EHMT1: variants seen among roughly 807,000 people sequenced by gnomAD.
EHMT1 encodes histone-lysine N-methyltransferase EHMT1.
In EHMT1, 15 loss-of-function variants were observed where a neutral mutation model predicts 147.2. The observed-to-expected ratio is 0.10, with a 90% CI of 0.07 to 0.16. The LOEUF is 0.16. Ranked by LOEUF, EHMT1 falls within the 10% of genes least tolerant of loss-of-function variation. The probability of loss-of-function intolerance (pLI) is 1.00; values close to 1 mark genes in which losing one functional copy is unlikely to be tolerated. For synonymous variants in EHMT1, 795 were observed against 709.6 expected, an observed-to-expected ratio of 1.12 and a Z score of -1.91; for missense variants, 1,587 against 1,772.4, an observed-to-expected ratio of 0.90 and a Z score of 1.88.
intron 1 of EHMT1, among the ~76,000 whole-genome samples, chr9:137,629,196 G>A (rs1479183396): frequency 2.7e-5 from 4 of 150,010 alleles, no homozygotes; most frequent in African/African-American, 9.8e-5. Flanking sequence ...AGGTTCAAGC[G>A]ATTCTCCAGC....
intron 1 of EHMT1, among the ~76,000 whole-genome samples, chr9:137,667,722 T>C (rs1204014095): frequency 6.6e-5 from 10 of 152,152 alleles, no homozygotes; most frequent in African/African-American, 2.2e-4. Context: ...GAAGTTTTGG[T>C]GTGTTTTCTT....
intron 10 of EHMT1, chr9:137,763,050 T>C (rs1949955314): frequency 1.3e-5 from 8 of 622,430 alleles, no homozygotes; most frequent in Admixed American, 1.1e-4. Context: ...ACAAAGTCTT[T>C]GAATGAAAAT....
chr9:137,700,446 T>A (rs1943738663), intron 1 of EHMT1, among the ~76,000 whole-genome samples: 1 of 152,238 alleles, frequency 6.6e-6, no homozygotes, highest in Non-Finnish European at 1.5e-5. Flanking sequence ...TCCAGCCACA[T>A]CAGTGCCTTA....
chr9:137,652,909 G>C (rs750204168), intron 1 of EHMT1, among the ~76,000 whole-genome samples: 1 of 151,332 alleles, frequency 6.6e-6, no homozygotes, highest in Admixed American at 6.6e-5. Context: ...TGTATTTTTA[G>C]TAGAGACAAG....
At chr9:137,742,924 G>A in intron 4 of EHMT1, 1 of 250,264 alleles carries the variant, frequency 4.0e-6, no homozygotes, top group South Asian at 4.8e-5. Context: ...GGGAGGCTGG[G>A]CTCTTCCTGC....
At chr9:137,753,000 C>T (rs559453965) in intron 7 of EHMT1, among the ~76,000 whole-genome samples, 10 of 152,212 alleles carry the variant, frequency 6.6e-5, no homozygotes, top group South Asian at 4.1e-4. Context: ...GGGTCCAGAT[C>T]GGAATTGTGC....
At chr9:137,790,634 A>T (rs1168590579) in intron 15 of EHMT1, among the ~76,000 whole-genome samples, 2 of 152,224 alleles carry the variant, frequency 1.3e-5, no homozygotes, top group Non-Finnish European at 2.9e-5. Flanking sequence ...TTAGAAGTGG[A>T]ATGAAATCTA....
intron 2 of EHMT1, among the ~76,000 whole-genome samples, chr9:137,715,008 C>CT (rs569709965): frequency 1.3e-5 from 2 of 151,974 alleles, no homozygotes; most frequent in East Asian, 1.9e-4. Context: ...GTGAATGATA[C>CT]TTTTTTTTCT....
intron 18 of EHMT1, 83 bp from the exon 19 acceptor site, chr9:137,811,378 A>G (rs778806330): frequency 6.2e-5 from 98 of 1,592,422 alleles, no homozygotes; most frequent in African/African-American, 1.9e-4. Flanking sequence ...CCCCGGGCAC[A>G]TGGGCTGCAG....
chr9:137,646,248 C>T, intron 1 of EHMT1: 3 of 731,336 alleles, frequency 4.1e-6, no homozygotes, highest in Non-Finnish European at 5.0e-6. Context: ...GTGTGAGCCA[C>T]TGTGCCTGGC....
intron 25 of EHMT1, among the ~76,000 whole-genome samples, chr9:137,832,310 A>T (rs1956257406): frequency 7.3e-6 from 1 of 137,848 alleles, no homozygotes; most frequent in South Asian, 2.3e-4. Context: ...CCGTCCTAGA[A>T]TTGGCTGGGC....
At position 137,778,019 on chromosome 9, in the gene EHMT1, C is replaced by A; in HGVS notation, c.2156C>A (p.Thr719Asn). ...PGLSQGPGKETLESALIALDS... is the reference protein window; with the variant it reads ...PGLSQGPGKENLESALIALDS... ...CTTTCCCAGGGACCAGGGAAGGAAA[C>A]CTTGGAGAGCGCTCTCATCGCCCTC... The change falls in exon 13 of 27, where the codon ACC becomes AAC. Residue 719 changes from threonine to asparagine, a missense_variant. Physicochemically the swap from Thr to Asn is moderately conservative, Grantham distance 65. Transcript: ENST00000460843. 6.2e-7 allele frequency: 1 copy of A among 1,613,786 alleles called. No individual in the cohort carries two copies.
intron 25 of EHMT1, among the ~76,000 whole-genome samples, chr9:137,825,456 CT>C (rs2132977493): frequency 6.6e-6 from 1 of 152,220 alleles, no homozygotes; most frequent in East Asian, 1.9e-4. Context: ...TGTGAGTGAC[CT>C]TCAACTGTAT....
At chr9:137,751,179 A>T (rs916313513) in intron 6 of EHMT1, among the ~76,000 whole-genome samples, 1 of 152,246 alleles carries the variant, frequency 6.6e-6, no homozygotes, top group Non-Finnish European at 1.5e-5. Context: ...AATATTGGGA[A>T]CTGTTTTTTC....
chr9:137,629,844 G>T (rs1843512332), intron 1 of EHMT1, among the ~76,000 whole-genome samples: 1 of 152,182 alleles, frequency 6.6e-6, no homozygotes, highest in Admixed American at 6.6e-5. Context: ...ATAGTTATTA[G>T]AGCCCAGTTA....
intron 1 of EHMT1, among the ~76,000 whole-genome samples, chr9:137,706,475 C>A (rs1331789747): frequency 6.6e-6 from 1 of 152,226 alleles, no homozygotes; most frequent in Non-Finnish European, 1.5e-5. Context: ...CTGTTATGAA[C>A]AGGAGCCCTT....
rs7858355 is a variant in EHMT1, at chr9:137,786,337, C to G, written c.2382+3940C>G. ...AGAGGGATTTCTATTTTTTCTTCCC[C>G]TTAGAATCTAAGCGGTTTTCCTGAG... is the stretch of plus-strand genomic sequence containing the variant. On this transcript the variant is annotated intron_variant, in intron 15 of 26. Coordinates refer to ENST00000460843, the MANE Select transcript of EHMT1 (RefSeq NM_024757.5). This position sits in a 1 kb window ranked among gnomAD's most constrained non-coding sequence, Gnocchi z 4.3. The G allele has an allele frequency of 6.6e-6, 1 of 152,048 alleles. No homozygotes were observed. The highest frequency in any genetic ancestry group is 1.5e-5 in the Non-Finnish European group (1 of 68,000). The allele number at this position is 152,048 out of a possible 1,614,324, so 9.4% of individuals were successfully genotyped here.
At chr9:137,643,864 A>AT (rs1229614850) in intron 1 of EHMT1, among the ~76,000 whole-genome samples, 2 of 152,008 alleles carry the variant, frequency 1.3e-5, no homozygotes, top group East Asian at 1.9e-4. Context: ...GAGCTTCTTA[A>AT]TTTTTTTGAC....
chr9:137,698,305 A>G lies in EHMT1; in HGVS notation c.22-12662A>G, dbSNP rs139227745. ...ATCACTTCTGAGGTAACTGTGATGTAGATGTATTATTGTAGACATGGTAAA... is the reference window on the plus strand; with the variant it reads ...ATCACTTCTGAGGTAACTGTGATGTGGATGTATTATTGTAGACATGGTAAA... On this transcript the variant is annotated intron_variant, in intron 1 of 26. Transcript: ENST00000460843. Among the ~76,000 whole-genome samples the G allele has an allele frequency of 9.5e-3, 1,448 of 152,376 alleles. 9 individuals carry two copies. Among genetic ancestry groups the G allele is most frequent in the Middle Eastern group, 0.014 (4 of 294 alleles).
Sources: allele counts gnomAD v4.1 joint callset (sites outside exome capture counted in the v4.1 genomes callset), GRCh38; gene constraint gnomAD v4.1.1; non-coding constraint Gnocchi (gnomAD v3.1); transcripts MANE v1.5; gene names NCBI Gene and HGNC (gene_info 2026-07-23, HGNC 2026-07-21).